SPTLC2: variants seen among roughly 807,000 people sequenced by gnomAD.
SPTLC2 encodes serine palmitoyltransferase long chain base subunit 2, also known as serine palmitoyltransferase 2.
A neutral mutation model predicts 62.0 loss-of-function variants in SPTLC2; 21 were observed. The observed-to-expected ratio is 0.34, with a 90% CI of 0.24 to 0.49. The LOEUF (loss-of-function observed/expected upper bound fraction) is 0.49, where lower values mean the gene tolerates loss of function less well. Ranked by LOEUF, SPTLC2 falls within the 20% of genes least tolerant of loss-of-function variation. The pLI is 0.99. For missense variants in SPTLC2, 511 were observed against 713.0 expected, an observed-to-expected ratio of 0.72 and a Z score of 3.23; for synonymous variants, 261 against 261.8, an observed-to-expected ratio of 1.00 and a Z score of 0.03.
intron 9 of SPTLC2, among the ~76,000 whole-genome samples, chr14:77,528,590 C>T (rs146196914): frequency 2.0e-5 from 3 of 152,200 alleles, no homozygotes; most frequent in Non-Finnish European, 2.9e-5. Context: ...TATATCAGCT[C>T]AGGGTCCCTC....
At chr14:77,595,038 C>T (rs1387737140) in intron 2 of SPTLC2, among the ~76,000 whole-genome samples, 2 of 152,010 alleles carry the variant, frequency 1.3e-5, no homozygotes, top group Non-Finnish European at 2.9e-5. Context: ...TCTGAGTGGA[C>T]ATGCTCAGGG....
intron 4 of SPTLC2, among the ~76,000 whole-genome samples, 179 bp from the exon 5 acceptor site, chr14:77,570,687 C>A (rs1290608664): frequency 6.6e-6 from 1 of 152,012 alleles, no homozygotes; most frequent in East Asian, 1.9e-4. Context: ...AATATGTGCT[C>A]ATAAAGAACA....
chr14:77,546,648 T>G (rs1235156356), intron 9 of SPTLC2, among the ~76,000 whole-genome samples: 1 of 152,202 alleles, frequency 6.6e-6, no homozygotes, highest in Non-Finnish European at 1.5e-5. Context: ...GATCACCTAT[T>G]GTTCAACTCT....
At chr14:77,524,247 T>C (rs1317828838) in intron 9 of SPTLC2, among the ~76,000 whole-genome samples, 1 of 152,116 alleles carries the variant, frequency 6.6e-6, no homozygotes, top group Admixed American at 6.5e-5. Context: ...AGATTCATGG[T>C]TGCCAGAAAG....
intron 9 of SPTLC2, among the ~76,000 whole-genome samples, chr14:77,522,680 G>A (rs1439535818): frequency 6.6e-6 from 1 of 152,172 alleles, no homozygotes; most frequent in Non-Finnish European, 1.5e-5. Flanking sequence ...GTTATACAGA[G>A]CAAAGCAATA....
chr14:77,560,357 G>A (rs1484476260), intron 6 of SPTLC2, among the ~76,000 whole-genome samples: 1 of 152,094 alleles, frequency 6.6e-6, no homozygotes, highest in Admixed American at 6.6e-5. Context: ...AGGCCAAGGT[G>A]GGTGGATTGC....
intron 9 of SPTLC2, chr14:77,535,681 G>T (rs2079465954): frequency 3.9e-6 from 1 of 254,024 alleles, no homozygotes; most frequent in Non-Finnish European, 7.7e-6. Flanking sequence ...TAGAAAAGGG[G>T]TCGTGGACTC....
intron 3 of SPTLC2, among the ~76,000 whole-genome samples, chr14:77,577,593 G>A (rs2079723672): frequency 6.6e-6 from 1 of 152,092 alleles, no homozygotes; most frequent in African/African-American, 2.4e-5. Flanking sequence ...ACTGATATTT[G>A]ACCAAGCTAA....
intron 10 of SPTLC2, among the ~76,000 whole-genome samples, chr14:77,519,147 C>T (rs1255850502): frequency 6.6e-6 from 1 of 152,152 alleles, no homozygotes; most frequent in East Asian, 1.9e-4. Context: ...TCTAGCAATT[C>T]TCCTGCCTCA....
intron 4 of SPTLC2, among the ~76,000 whole-genome samples, chr14:77,572,771 G>A (rs189827687): frequency 2.6e-5 from 4 of 152,260 alleles, no homozygotes; most frequent in Admixed American, 2.6e-4. Flanking sequence ...TATGTTGTGG[G>A]GATGGCTTCT....
intron 1 of SPTLC2, among the ~76,000 whole-genome samples, chr14:77,603,704 T>C (rs2079889960): frequency 6.6e-6 from 1 of 152,240 alleles, no homozygotes; most frequent in Non-Finnish European, 1.5e-5. Context: ...CATTACCATT[T>C]TGCTATTGAA....
intron 9 of SPTLC2, among the ~76,000 whole-genome samples, chr14:77,528,054 T>C (rs1193766246): frequency 6.6e-6 from 1 of 152,228 alleles, no homozygotes; most frequent in Non-Finnish European, 1.5e-5. Context: ...TCCTAACTCA[T>C]ATTATACTTC....
chr14:77,536,097 G>A (rs1365298534), intron 9 of SPTLC2: 1 of 377,868 alleles, frequency 2.6e-6, no homozygotes, highest in Admixed American at 3.6e-5. Context: ...TTTTGGTGGA[G>A]CAAGTATTTC....
intron 2 of SPTLC2, among the ~76,000 whole-genome samples, chr14:77,583,266 A>G (rs954938715): frequency 6.6e-6 from 1 of 151,620 alleles, no homozygotes; most frequent in Non-Finnish European, 1.5e-5. Context: ...AAAAGATGAG[A>G]AGGGCAGCAA....
At chr14:77,533,846 C>A (rs1390379230) in intron 9 of SPTLC2, among the ~76,000 whole-genome samples, 1 of 152,064 alleles carries the variant, frequency 6.6e-6, no homozygotes, top group Non-Finnish European at 1.5e-5. Context: ...CCTGTTATAA[C>A]CTCTACTTCT....
intron 1 of SPTLC2, among the ~76,000 whole-genome samples, chr14:77,599,228 A>C (rs767926261): frequency 6.6e-6 from 1 of 152,212 alleles, no homozygotes; most frequent in Non-Finnish European, 1.5e-5. Flanking sequence ...GTTAACTTTA[A>C]TCTTAACTTT....
intron 9 of SPTLC2, among the ~76,000 whole-genome samples, chr14:77,530,139 G>A (rs2079430801): frequency 6.6e-6 from 1 of 152,080 alleles, no homozygotes. Flanking sequence ...GACTTATGTG[G>A]AGGAGGAGAT....
chr14:77,536,867 T>G (rs2079473677), intron 9 of SPTLC2, among the ~76,000 whole-genome samples: 1 of 152,164 alleles, frequency 6.6e-6, no homozygotes, highest in South Asian at 2.1e-4. Context: ...ACAAGCAATT[T>G]GTAAATTTTA....
In SPTLC2 at chr14:77,562,504, G is replaced by C. The variant is rs1160694456; in HGVS notation, c.757-15C>G. The C allele has an allele frequency of 1.2e-6, 2 of 1,608,126 alleles. No individual in the cohort carries two copies. Among genetic ancestry groups the C allele is most frequent in the South Asian group, 1.1e-5 (1 of 90,934 alleles). On this transcript the variant is annotated splice_polypyrimidine_tract_variant and intron_variant, in intron 5 of 11. Coordinates refer to ENST00000216484, the MANE Select transcript of SPTLC2 (RefSeq NM_004863.4). ...ATCAGGCAACCCTGCAACATCACAGGAACAGAAAGGTAAGAAGCTGGAGGG... is the reference window on the plus strand; with the variant it reads ...ATCAGGCAACCCTGCAACATCACAGCAACAGAAAGGTAAGAAGCTGGAGGG...
Sources: gnomAD v4.1 joint callset for allele counts (sites outside exome capture counted in the v4.1 genomes callset) on GRCh38, gnomAD v4.1.1 for gene constraint, MANE v1.5 for transcripts, NCBI Gene and HGNC (gene_info 2026-07-23, HGNC 2026-07-21) for gene names.